SPINK9: variants seen among roughly 807,000 people sequenced by gnomAD.
SPINK9 encodes serine peptidase inhibitor Kazal type 9, also known as serine protease inhibitor Kazal-type 9.
In SPINK9, 3 loss-of-function variants were observed where a neutral mutation model predicts 10.8. The observed-to-expected ratio is 0.28, with a 90% CI of 0.13 to 0.72. The LOEUF is 0.72. Ranked by LOEUF, SPINK9 falls within the 30% of genes least tolerant of loss-of-function variation. SPINK9 has a pLI of 0.74. For synonymous variants in SPINK9, 30 were observed against 31.2 expected (o/e 0.96, Z 0.12); for missense variants, 101 against 103.2 (o/e 0.98, Z 0.09).
chr5:148,328,209 A>G (rs1757095349), intron 2 of SPINK9, among the ~76,000 whole-genome samples: 2 of 152,132 alleles, frequency 1.3e-5, no homozygotes, highest in African/African-American at 4.8e-5. Context: ...TTCTCCTTGA[A>G]GAGGTCCTTC....
chr5:148,321,810 A>G lies in SPINK9; in HGVS notation c.-73+410A>G, dbSNP rs192380325. 5.0e-3 allele frequency among the ~76,000 whole-genome samples: 767 copies of G among 152,328 alleles called. 4 individuals carry two copies. The highest frequency in any genetic ancestry group is 7.8e-3 in the Admixed American group (119 of 15,308). ...AGCATTGTTTCCCAATGAATAAATA[A>G]TTGCAGGAAATAGTTTGCAGTAATC... On this transcript the variant is annotated intron_variant, in intron 1 of 4. Coordinates refer to the SPINK9 transcript ENST00000511717.
At chr5:148,337,789 C>T (rs1757235934) in intron 2 of SPINK9, among the ~76,000 whole-genome samples, 1 of 152,024 alleles carries the variant, frequency 6.6e-6, no homozygotes, top group Non-Finnish European at 1.5e-5. Context: ...TACAGGGTCA[C>T]ATAGAATTTG....
chr5:148,321,839 T>C (rs974870195), intron 1 of SPINK9, among the ~76,000 whole-genome samples: 3 of 152,128 alleles, frequency 2.0e-5, no homozygotes, highest in Non-Finnish European at 2.9e-5. Flanking sequence ...AGTAATCAAT[T>C]TGTATGAGTA....
chr5:148,333,617 T>G (rs1581188901), upstream of SPINK9, among the ~76,000 whole-genome samples: 1 of 152,306 alleles, frequency 6.6e-6, no homozygotes, highest in East Asian at 1.9e-4. Flanking sequence ...GTCTGGGTGT[T>G]GCCATGGCAA....
At chr5:148,327,497 C>T (rs1035813077) in intron 2 of SPINK9, among the ~76,000 whole-genome samples, 1 of 152,130 alleles carries the variant, frequency 6.6e-6, no homozygotes, top group Admixed American at 6.5e-5. Context: ...TGTGCAGAAG[C>T]TCTTTAGTTT....
upstream of SPINK9, among the ~76,000 whole-genome samples, chr5:148,335,089 G>A (rs554823825): frequency 5.1e-4 from 77 of 152,158 alleles, no homozygotes; most frequent in Non-Finnish European, 1.0e-3. Context: ...AGTATAAAGT[G>A]TCCTCCAATT....
At chr5:148,332,105 C>G (rs957941515), upstream of SPINK9, among the ~76,000 whole-genome samples, 3 of 152,076 alleles carry the variant, frequency 2.0e-5, no homozygotes, top group Admixed American at 6.6e-5. Flanking sequence ...TCTATTCTTG[C>G]AATAGAAAAT....
intron 2 of SPINK9, among the ~76,000 whole-genome samples, chr5:148,324,925 A>C (rs80288782): frequency 0.023 from 3,449 of 151,942 alleles, 150 homozygotes; most frequent in East Asian, 0.17. Context: ...CTTAGCAGTC[A>C]CTCCTATCTA....
At chr5:148,326,757 T>A (rs1401394542) in intron 2 of SPINK9, among the ~76,000 whole-genome samples, 6 of 151,754 alleles carry the variant, frequency 4.0e-5, no homozygotes, top group Non-Finnish European at 8.8e-5. Flanking sequence ...AGTGAGAACA[T>A]GCGGTGTTTG....
intron 1 of SPINK9, among the ~76,000 whole-genome samples, 185 bp from the exon 2 acceptor site, chr5:148,336,237 G>GA (rs538728554): frequency 5.9e-4 from 89 of 151,920 alleles, no homozygotes; most frequent in African/African-American, 2.1e-3. Context: ...CTCCAAAAAA[G>GA]AAAAAAAATT....
At chr5:148,337,379 G>A (rs1258740604) in intron 2 of SPINK9, among the ~76,000 whole-genome samples, 2 of 152,158 alleles carry the variant, frequency 1.3e-5, no homozygotes, top group African/African-American at 2.4e-5. Flanking sequence ...ACCTTAGCCC[G>A]ATAACAGGAG....
chr5:148,322,304 T>C (rs887062734), intron 1 of SPINK9, among the ~76,000 whole-genome samples: 2 of 152,180 alleles, frequency 1.3e-5, no homozygotes, highest in Non-Finnish European at 2.9e-5. Flanking sequence ...GTGGTACACA[T>C]AGAAAAACTT....
intron 2 of SPINK9, among the ~76,000 whole-genome samples, chr5:148,326,062 A>C (rs1378547627): frequency 6.6e-6 from 1 of 152,208 alleles, no homozygotes; most frequent in Non-Finnish European, 1.5e-5. Flanking sequence ...CAGTGACAAA[A>C]AAACTATTAA....
chr5:148,325,011 T>C (rs1345792696), intron 2 of SPINK9, among the ~76,000 whole-genome samples: 2 of 152,118 alleles, frequency 1.3e-5, no homozygotes, highest in Non-Finnish European at 2.9e-5. Context: ...CTTGACATTA[T>C]ATATAAATAA....
At chr5:148,338,807 A>T (rs1389050384) in intron 3 of SPINK9, among the ~76,000 whole-genome samples, 4 of 152,128 alleles carry the variant, frequency 2.6e-5, no homozygotes, top group Non-Finnish European at 5.9e-5. Context: ...TGAATCAGAG[A>T]ATTCTAAAAT....
chr5:148,331,194 T>TA (rs1757145135), upstream of SPINK9, among the ~76,000 whole-genome samples: 1 of 152,252 alleles, frequency 6.6e-6, no homozygotes, highest in South Asian at 2.1e-4. Context: ...CTGGTAGATG[T>TA]AGACTGGAGC....
At chr5:148,335,105 T>C (rs1757199383), upstream of SPINK9, among the ~76,000 whole-genome samples, 1 of 152,212 alleles carries the variant, frequency 6.6e-6, no homozygotes, top group Non-Finnish European at 1.5e-5. Flanking sequence ...CAATTCTACC[T>C]ACAACACCTG....
At chr5:148,338,172 T>C (rs1048423690) in intron 2 of SPINK9, among the ~76,000 whole-genome samples, 4 of 152,148 alleles carry the variant, frequency 2.6e-5, no homozygotes, top group Non-Finnish European at 5.9e-5. Context: ...ATGAGAATGG[T>C]TGCATTTGAG....
upstream of SPINK9, chr5:148,335,514 A>G (rs1757204803): frequency 9.6e-7 from 1 of 1,044,792 alleles, no homozygotes; most frequent in Non-Finnish European, 1.4e-6. Flanking sequence ...CAATTGAGGC[A>G]GGAATTCTTG....
Sources: allele counts gnomAD v4.1 joint callset (sites outside exome capture counted in the v4.1 genomes callset), GRCh38; gene constraint gnomAD v4.1.1; transcripts MANE v1.5; gene names NCBI Gene and HGNC (gene_info 2026-07-23, HGNC 2026-07-21).